TMTC2: variants seen among roughly 807,000 people sequenced by gnomAD.
TMTC2 encodes the protein protein O-mannosyl-transferase TMTC2.
Under a neutral mutation model 82.4 loss-of-function variants are expected in TMTC2, and 43 were observed. The ratio of observed to expected loss-of-function variants is 0.52; its 90% CI spans 0.41 to 0.67. TMTC2 has a LOEUF of 0.67. TMTC2 is among the 30% of genes least tolerant of loss of function. The pLI, the probability that TMTC2 is intolerant of heterozygous loss-of-function variation, is 0.00. For missense variants in TMTC2, 919 were observed against 1,012.4 expected (o/e 0.91, Z 1.25); for synonymous variants, 408 against 381.9 (o/e 1.07, Z -0.80).
intron 8 of TMTC2, among the ~76,000 whole-genome samples, chr12:83,023,304 T>A (rs1333640713): frequency 6.6e-6 from 1 of 152,234 alleles, no homozygotes; most frequent in Non-Finnish European, 1.5e-5. Flanking sequence ...TGACCATTAT[T>A]TTTTGGTATT....
chr12:82,929,548 C>A (rs571345995), intron 3 of TMTC2, among the ~76,000 whole-genome samples: 3 of 151,928 alleles, frequency 2.0e-5, no homozygotes, highest in Non-Finnish European at 4.4e-5. Context: ...AACTCAAAAC[C>A]CTTTCATTTT....
At chr12:82,983,661 A>T (rs1284637004) in intron 7 of TMTC2, among the ~76,000 whole-genome samples, 1 of 152,066 alleles carries the variant, frequency 6.6e-6, no homozygotes, top group Non-Finnish European at 1.5e-5. Flanking sequence ...AGTAGAAGCT[A>T]TATTAAATAC....
At chr12:83,025,550 T>C (rs1881129930) in intron 8 of TMTC2, among the ~76,000 whole-genome samples, 1 of 152,146 alleles carries the variant, frequency 6.6e-6, no homozygotes, top group Admixed American at 6.5e-5. Context: ...AACCAAGCCG[T>C]TGTCCCGCAG....
chr12:83,032,091 T>C (rs1053120927), intron 9 of TMTC2, among the ~76,000 whole-genome samples: 2 of 151,924 alleles, frequency 1.3e-5, no homozygotes, highest in African/African-American at 4.8e-5. Context: ...ATGAATGTCG[T>C]TCCATGGTGA....
intron 2 of TMTC2, among the ~76,000 whole-genome samples, chr12:82,885,071 T>C (rs1873021910): frequency 6.8e-6 from 1 of 146,998 alleles, no homozygotes; most frequent in Non-Finnish European, 1.5e-5. Context: ...TTTTTGTACT[T>C]TTTTTTTTTT....
chr12:82,744,628 A>C lies in TMTC2; in HGVS notation c.83+56959A>C, dbSNP rs942863388. 2.6e-5 allele frequency among the ~76,000 whole-genome samples: 4 copies of C among 151,726 alleles called. No homozygotes were observed. The East Asian group carries it at 7.7e-4, about 29-fold the overall frequency. The stretch of plus-strand genomic sequence containing the variant: ...GGCAGCAAGGGGTGGACAGGGACAC[A>C]TCTGCCAGTTATTTTAAAAATATTT... On this transcript the variant is annotated intron_variant, in intron 1 of 11. Transcript: ENST00000321196.
chr12:82,866,133 C>G (rs1871838779), intron 2 of TMTC2, among the ~76,000 whole-genome samples: 1 of 148,608 alleles, frequency 6.7e-6, no homozygotes, highest in Non-Finnish European at 1.5e-5. Flanking sequence ...CATTCAAAAG[C>G]TAGCAGAAGG....
At chr12:82,818,207 A>G (rs189588677) in intron 1 of TMTC2, among the ~76,000 whole-genome samples, 1 of 152,098 alleles carries the variant, frequency 6.6e-6, no homozygotes, top group Non-Finnish European at 1.5e-5. Flanking sequence ...GACTGGCTAT[A>G]TATATTTTTA....
Position 83,134,605 on chromosome 12 carries a change from G to A in TMTC2, c.*2216G>A, listed in dbSNP as rs1434942245. 6.9e-5 allele frequency: 4 copies of A among 58,286 alleles called. No individual in the cohort carries two copies. Among genetic ancestry groups the A allele is most frequent in the East Asian group, 6.7e-4 (1 of 1,502 alleles). 3.6% of individuals were successfully genotyped at this position (58,286 alleles called of 1,614,324 possible). On this transcript the variant is annotated 3_prime_UTR_variant, in exon 12 of 12. Transcript: ENST00000321196. The stretch of plus-strand genomic sequence containing the variant: ...CTGGACTTAGTAACTGACCAACTTC[G>A]GGGGGAGGGTTGGGGCAAGGGGGGG...
intron 11 of TMTC2, among the ~76,000 whole-genome samples, chr12:83,074,946 C>T (rs1399671681): frequency 6.6e-6 from 1 of 152,194 alleles, no homozygotes; most frequent in Non-Finnish European, 1.5e-5. Flanking sequence ...TTCCTTCTCC[C>T]TGTGGAGTTT....
chr12:82,927,847 A>T (rs1326131665), intron 3 of TMTC2, among the ~76,000 whole-genome samples: 1 of 152,212 alleles, frequency 6.6e-6, no homozygotes, highest in African/African-American at 2.4e-5. Context: ...TAATTAAGGT[A>T]TACCATTATT....
chr12:82,853,935 TTG>T (rs1261690901), intron 1 of TMTC2, among the ~76,000 whole-genome samples: 2 of 150,226 alleles, frequency 1.3e-5, no homozygotes, highest in African/African-American at 5.0e-5. Flanking sequence ...AGTTTGGCAG[TTG>T]TTTTTTTTTT....
At chr12:82,968,635 G>A (rs1413357175) in intron 7 of TMTC2, among the ~76,000 whole-genome samples, 1 of 152,136 alleles carries the variant, frequency 6.6e-6, no homozygotes, top group Non-Finnish European at 1.5e-5. Flanking sequence ...TTTTGTTGTT[G>A]TTGTTAATGG....
intron 1 of TMTC2, among the ~76,000 whole-genome samples, chr12:82,816,439 G>A (rs562197455): frequency 5.6e-4 from 85 of 152,146 alleles, no homozygotes; most frequent in African/African-American, 2.0e-3. Context: ...TTGGGGGGCC[G>A]CAGAATTTTC....
At chr12:82,940,951 C>T (rs1017765945) in intron 4 of TMTC2, among the ~76,000 whole-genome samples, 5 of 151,704 alleles carry the variant, frequency 3.3e-5, no homozygotes, top group African/African-American at 1.2e-4. Context: ...TTAACATGAC[C>T]CAGATTATAA....
chr12:83,072,644 A>C (rs1883157039), intron 11 of TMTC2, among the ~76,000 whole-genome samples: 1 of 151,968 alleles, frequency 6.6e-6, no homozygotes, highest in African/African-American at 2.4e-5. Flanking sequence ...CTAATTTCTT[A>C]GTCTATTAGT....
At chr12:83,131,664 G>A (rs1055341003) in intron 11 of TMTC2, among the ~76,000 whole-genome samples, 2 of 152,116 alleles carry the variant, frequency 1.3e-5, no homozygotes, top group Admixed American at 6.5e-5. Context: ...GGTTTGGGAA[G>A]GGCTTTAGTG....
intron 2 of TMTC2, among the ~76,000 whole-genome samples, chr12:82,870,151 T>C (rs1316774210): frequency 2.0e-5 from 3 of 152,306 alleles, no homozygotes; most frequent in African/African-American, 4.8e-5. Flanking sequence ...TGGGTTCTTT[T>C]TTCCTTTGTT....
intron 8 of TMTC2, among the ~76,000 whole-genome samples, chr12:83,000,724 T>A (rs982940190): frequency 1.3e-5 from 2 of 152,230 alleles, no homozygotes; most frequent in Non-Finnish European, 2.9e-5. Context: ...ATGGGGACTC[T>A]GACCCCACAT....
Sources: allele counts gnomAD v4.1 joint callset (sites outside exome capture counted in the v4.1 genomes callset), GRCh38; gene constraint gnomAD v4.1.1; transcripts MANE v1.5; gene names NCBI Gene and HGNC (gene_info 2026-07-23, HGNC 2026-07-21).